TEKT3: variants seen among roughly 807,000 people sequenced by gnomAD.
TEKT3 encodes the protein tektin-3.
Under a neutral mutation model 49.8 loss-of-function variants are expected in TEKT3, and 49 were observed. The ratio of observed to expected loss-of-function variants is 0.98; its 90% CI spans 0.78 to 1.25. The LOEUF (loss-of-function observed/expected upper bound fraction) is 1.25, where lower values mean the gene tolerates loss of function less well. Among genes scored for constraint, TEKT3 ranks in the 50% most tolerant of loss-of-function variants. The pLI, the probability that TEKT3 is intolerant of heterozygous loss-of-function variation, is 0.00. For synonymous variants in TEKT3, 225 were observed against 237.2 expected (o/e 0.95, Z 0.47); for missense variants, 595 against 629.5 (o/e 0.95, Z 0.59).
upstream of TEKT3, among the ~76,000 whole-genome samples, chr17:15,343,040 T>C (rs1194393493): frequency 6.6e-6 from 1 of 152,244 alleles, no homozygotes; most frequent in Non-Finnish European, 1.5e-5. Context: ...ATGCAGCAAA[T>C]GATGCCATGT....
chr17:15,323,943 C>T (rs1288517260), intron 4 of TEKT3, among the ~76,000 whole-genome samples: 2 of 152,314 alleles, frequency 1.3e-5, no homozygotes, highest in East Asian at 3.9e-4. Context: ...AGATATAATT[C>T]ATAGACCATA....
At chr17:15,331,924 C>A (rs1911773036) in intron 2 of TEKT3, among the ~76,000 whole-genome samples, 1 of 152,142 alleles carries the variant, frequency 6.6e-6, no homozygotes, top group Admixed American at 6.5e-5. Flanking sequence ...CTAAACTATG[C>A]ATCTTAACGG....
At chr17:15,308,409 A>G (rs1312236330) in intron 8 of TEKT3, among the ~76,000 whole-genome samples, 1 of 152,198 alleles carries the variant, frequency 6.6e-6, no homozygotes, top group East Asian at 1.9e-4. Flanking sequence ...ACTTTAACCA[A>G]TCTTAAGTGT....
rs760880843 is a variant in TEKT3, at chr17:15,331,133, A to G, written c.453T>C (p.Asn151=). 6.2e-7 allele frequency: 1 copy of G among 1,614,184 alleles called. No individual in the cohort carries two copies. The highest frequency in any genetic ancestry group is 1.1e-5 in the South Asian group (1 of 91,088). The change falls in exon 3 of 9, where the codon AAT becomes AAC. Residue 151 remains asparagine, a synonymous_variant. Transcript: ENST00000395930. ...DTTQNLGERV[N]DIGFWKSEII... ...TTTCAGATTTCCAAAACCCTATGTCATTGACACGTTCTCCCAGATTTTGGG... is the reference window on the plus strand; with the variant it reads ...TTTCAGATTTCCAAAACCCTATGTCGTTGACACGTTCTCCCAGATTTTGGG...
chr17:15,328,554 C>T (rs1378746036), intron 3 of TEKT3, among the ~76,000 whole-genome samples: 2 of 151,864 alleles, frequency 1.3e-5, no homozygotes, highest in Admixed American at 1.3e-4. Flanking sequence ...GATTGTTTTC[C>T]CAATTATCAA....
Position 15,319,072 on chromosome 17 carries a change from C to A in TEKT3, c.734+5G>T, listed in dbSNP as rs202131392. 52 of 1,609,156 alleles carry A rather than the reference C, an allele frequency of 3.2e-5. No individual in the cohort carries two copies. The highest frequency in any genetic ancestry group is 4.2e-5 in the Non-Finnish European group (50 of 1,177,666). Reference sequence around the variant, plus strand: ...TTGAATTGTATAGAGACATAAAGCTCTTACGCAAGTTGGGCAATAGCCTTA... The same window carrying A: ...TTGAATTGTATAGAGACATAAAGCTATTACGCAAGTTGGGCAATAGCCTTA... On this transcript the variant is annotated splice_donor_5th_base_variant and intron_variant, in intron 5 of 8. Transcript: ENST00000395930.
chr17:15,335,828 T>C (rs577713010), intron 2 of TEKT3, among the ~76,000 whole-genome samples: 1 of 152,208 alleles, frequency 6.6e-6, no homozygotes, highest in South Asian at 2.1e-4. Flanking sequence ...ACTTCAGGAA[T>C]AAAACATACA....
intron 7 of TEKT3, among the ~76,000 whole-genome samples, chr17:15,311,895 T>TA (rs1481456698): frequency 6.6e-6 from 1 of 152,198 alleles, no homozygotes. Flanking sequence ...AAAAGGGGTC[T>TA]AAAATACTTT....
At chr17:15,340,810 A>G (rs1238686010) in intron 1 of TEKT3, among the ~76,000 whole-genome samples, 3 of 152,226 alleles carry the variant, frequency 2.0e-5, no homozygotes, top group African/African-American at 7.2e-5. Context: ...AAAGAAGAAA[A>G]AAGTAGAATA....
intron 4 of TEKT3, among the ~76,000 whole-genome samples, chr17:15,327,557 C>A (rs1383983188): frequency 1.3e-5 from 2 of 151,804 alleles, no homozygotes; most frequent in African/African-American, 2.4e-5. Context: ...TAAAAATTAC[C>A]CCAATATAAT....
At chr17:15,310,031 C>T (rs1287896038) in intron 7 of TEKT3, among the ~76,000 whole-genome samples, 1 of 152,214 alleles carries the variant, frequency 6.6e-6, no homozygotes. Context: ...ACTCTTCAAT[C>T]TGTCACTTGA....
At chr17:15,323,507 C>A (rs984064776) in intron 4 of TEKT3, among the ~76,000 whole-genome samples, 1 of 152,132 alleles carries the variant, frequency 6.6e-6, no homozygotes, top group Non-Finnish European at 1.5e-5. Flanking sequence ...CCAACAGAAG[C>A]CATCCTGTAA....
At chr17:15,317,558 C>T (rs1383504246) in intron 5 of TEKT3, among the ~76,000 whole-genome samples, 1 of 152,196 alleles carries the variant, frequency 6.6e-6, no homozygotes, top group Non-Finnish European at 1.5e-5. Flanking sequence ...CTCCAACCTT[C>T]GTGGTGTTCA....
At chr17:15,329,317 T>C (rs1427033897) in intron 3 of TEKT3, among the ~76,000 whole-genome samples, 1 of 152,196 alleles carries the variant, frequency 6.6e-6, no homozygotes, top group Non-Finnish European at 1.5e-5. Flanking sequence ...TAATACTGTG[T>C]TGACAATAAA....
chr17:15,318,522 T>C (rs1395392360), intron 5 of TEKT3, among the ~76,000 whole-genome samples: 1 of 152,108 alleles, frequency 6.6e-6, no homozygotes, highest in Non-Finnish European at 1.5e-5. Context: ...AAGTACTCCA[T>C]GTACTTATTT....
chr17:15,325,261 C>T (rs1911443353), intron 4 of TEKT3, among the ~76,000 whole-genome samples: 1 of 152,114 alleles, frequency 6.6e-6, no homozygotes, highest in South Asian at 2.1e-4. Flanking sequence ...ATTTTAGGAT[C>T]AGCTCACCAA....
At chr17:15,313,700 G>A (rs1910866068) in intron 6 of TEKT3, among the ~76,000 whole-genome samples, 1 of 151,824 alleles carries the variant, frequency 6.6e-6, no homozygotes, top group South Asian at 2.1e-4. Context: ...GTAGAGACGG[G>A]GTTTCACCAT....
At chr17:15,336,618 A>C (rs1911992049) in intron 2 of TEKT3, among the ~76,000 whole-genome samples, 1 of 152,204 alleles carries the variant, frequency 6.6e-6, no homozygotes, top group Non-Finnish European at 1.5e-5. Flanking sequence ...ATTTAAACTA[A>C]AAATAAAAAA....
chr17:15,310,898 C>T (rs1445671949), intron 7 of TEKT3: 1 of 151,878 alleles, frequency 6.6e-6, no homozygotes, highest in East Asian at 1.9e-4. Context: ...TCCCAGGACA[C>T]AAACCATCTA....
Sources: allele counts gnomAD v4.1 joint callset (sites outside exome capture counted in the v4.1 genomes callset), GRCh38; gene constraint gnomAD v4.1.1; transcripts MANE v1.5; gene names NCBI Gene and HGNC (gene_info 2026-07-23, HGNC 2026-07-21).